The following GAS7 variants were observed in gnomAD, a reference collection of about 807,000 sequenced individuals.
The protein encoded by GAS7 is growth arrest specific 7.
GAS7 carries 28 observed loss-of-function variants against 71.1 expected under a neutral mutation model. The ratio of observed to expected loss-of-function variants is 0.39; its 90% confidence interval spans 0.29 to 0.54. The LOEUF is 0.54. GAS7 is among the 20% of genes least tolerant of loss of function. The pLI is 0.62. For missense variants in GAS7, 436 were observed against 627.8 expected (o/e 0.69, Z 3.27); for synonymous variants, 258 against 245.8 (o/e 1.05, Z -0.46).
chr17:9,970,455 C>T (rs1048122961), intron 3 of GAS7, among the ~76,000 whole-genome samples: 1 of 152,102 alleles, frequency 6.6e-6, no homozygotes, highest in Middle Eastern at 3.4e-3. Context: ...CATGGTGAAA[C>T]CCTGTCTCTA....
intron 1 of GAS7, among the ~76,000 whole-genome samples, chr17:10,146,424 G>C (rs537094856): frequency 6.6e-6 from 1 of 152,172 alleles, no homozygotes; most frequent in Admixed American, 6.5e-5. Flanking sequence ...CAAAGTCCCC[G>C]CAAGAGTCAG....
intron 1 of GAS7, among the ~76,000 whole-genome samples, chr17:10,153,210 A>AAAAAAAAAACAAAGCAAAAC (rs59882450): frequency 0.72 from 104,123 of 144,998 alleles, 37,950 homozygotes; most frequent in African/African-American, 0.86. Context: ...CCTCCGTCTC[A>AAAAAAAAAACAAAGCAAAAC]AAAAAAAAAC....
chr17:10,014,675 G>A (rs554990287), intron 2 of GAS7, among the ~76,000 whole-genome samples: 40 of 151,780 alleles, frequency 2.6e-4, no homozygotes, highest in Non-Finnish European at 5.7e-4. Context: ...TCCCTTCCTC[G>A]AGCCCCCAGA....
intron 1 of GAS7, among the ~76,000 whole-genome samples, chr17:10,116,756 T>G (rs963997001): frequency 7.9e-5 from 12 of 152,122 alleles, no homozygotes; most frequent in Non-Finnish European, 1.3e-4. Flanking sequence ...GTTTCGACAC[T>G]GGGATACATC....
intron 2 of GAS7, among the ~76,000 whole-genome samples, chr17:10,017,177 T>TAAATAAAG (rs1435235279): frequency 6.7e-6 from 1 of 148,296 alleles, no homozygotes; most frequent in Non-Finnish European, 1.5e-5. Flanking sequence ...AATAAATAAA[T>TAAATAAAG]AAAGAGAGGA....
intron 2 of GAS7, 122 bp from the exon 3 acceptor site, chr17:9,982,006 C>A: frequency 3.0e-6 from 2 of 657,196 alleles, no homozygotes; most frequent in East Asian, 5.4e-5. Context: ...CGCCCTCCTC[C>A]CCAACCCTGG....
intron 1 of GAS7, among the ~76,000 whole-genome samples, chr17:10,168,239 A>G (rs894597413): frequency 2.0e-5 from 3 of 152,208 alleles, no homozygotes; most frequent in African/African-American, 7.2e-5. Flanking sequence ...ACTGATGTAT[A>G]TGTGCTAACA....
At chr17:9,982,824 G>GGAAA (rs56351503) in intron 2 of GAS7, among the ~76,000 whole-genome samples, 8,078 of 116,034 alleles carry the variant, frequency 0.07, 300 homozygotes, top group Middle Eastern at 0.11. Flanking sequence ...AGGAAAGAAA[G>GGAAA]GAAAGAAAGA....
At position 9,912,993 on chromosome 17, in the gene GAS7, T is replaced by C. The variant is rs1281928057; in HGVS notation, c.*4235A>G. 4.3e-6 allele frequency: 1 copy of C among 232,702 alleles called. No homozygotes were observed. The allele number at this position is 232,702 out of a possible 1,614,324, so 14.4% of individuals were successfully genotyped here. A position where few individuals can be genotyped will look rare whatever the true frequency, so the allele number is the denominator to read the frequency against. On this transcript the variant is annotated 3_prime_UTR_variant, in exon 14 of 14. Coordinates refer to ENST00000432992, the MANE Select transcript of GAS7 (RefSeq NM_201433.2). ...GTGTGACTCCATTTATATGACATTC[T>C]AGAAAAGGCAAAATTATAGGATCAG... is the stretch of plus-strand genomic sequence containing the variant.
At chr17:10,124,230 A>T (rs1301072483) in intron 1 of GAS7, among the ~76,000 whole-genome samples, 1 of 152,192 alleles carries the variant, frequency 6.6e-6, no homozygotes, top group South Asian at 2.1e-4. Context: ...GCCAAGCTGA[A>T]GGTGGACATG....
chr17:10,110,628 C>T lies in GAS7; in HGVS notation c.183+87580G>A, dbSNP rs148103336. On this transcript the variant is annotated intron_variant, in intron 1 of 13. Transcript: ENST00000432992. ...TTGGGACTACAGGTGCATGTCACCACGTCTGGCTGATTTTTGTATTTTTAG... is the reference window on the plus strand; with the variant it reads ...TTGGGACTACAGGTGCATGTCACCATGTCTGGCTGATTTTTGTATTTTTAG... 2.0e-4 allele frequency among the ~76,000 whole-genome samples: 30 copies of T among 152,210 alleles called. No individual in the cohort carries two copies. The East Asian group carries it at 5.0e-3, about 26-fold the overall frequency.
chr17:9,985,628 C>T (rs2070616931), intron 2 of GAS7, among the ~76,000 whole-genome samples: 1 of 152,240 alleles, frequency 6.6e-6, no homozygotes, highest in South Asian at 2.1e-4. Flanking sequence ...CCAAATCTCT[C>T]TAGCTGCAGA....
intron 1 of GAS7, among the ~76,000 whole-genome samples, chr17:10,126,588 TCACA>T (rs901906949): frequency 1.4e-5 from 2 of 142,136 alleles, no homozygotes; most frequent in South Asian, 2.3e-4. Flanking sequence ...ACACACACAT[TCACA>T]CACACACGCT....
At chr17:10,019,989 A>G in intron 1 of GAS7, 92 bp from the exon 2 acceptor site, 1 of 1,237,712 alleles carries the variant, frequency 8.1e-7, no homozygotes, top group Non-Finnish European at 1.2e-6. Flanking sequence ...TTCACCCTAC[A>G]GTAGCGTGAC....
chr17:9,967,821 A>G (rs2069783725), intron 4 of GAS7, among the ~76,000 whole-genome samples: 1 of 152,178 alleles, frequency 6.6e-6, no homozygotes, highest in Non-Finnish European at 1.5e-5. Context: ...TTGCACATAA[A>G]TCAGAACCCC....
intron 4 of GAS7, among the ~76,000 whole-genome samples, chr17:9,961,251 C>A (rs1308889282): frequency 1.3e-5 from 2 of 152,210 alleles, no homozygotes; most frequent in Non-Finnish European, 2.9e-5. Context: ...TCTCATCCAG[C>A]TGGCCCACCC....
intron 1 of GAS7, among the ~76,000 whole-genome samples, chr17:10,138,216 C>T (rs1002083744): frequency 6.7e-6 from 1 of 148,288 alleles, no homozygotes; most frequent in Non-Finnish European, 1.5e-5. Flanking sequence ...CCGCCCGCCT[C>T]GGCCTCCCAA....
chr17:9,978,310 T>C (rs905412230), intron 3 of GAS7, among the ~76,000 whole-genome samples: 5 of 150,150 alleles, frequency 3.3e-5, no homozygotes, highest in Non-Finnish European at 5.9e-5. Flanking sequence ...AAATGAGGCC[T>C]GGCAAGGAGA....
intron 2 of GAS7, among the ~76,000 whole-genome samples, chr17:9,999,245 C>T (rs997119205): frequency 2.0e-5 from 3 of 152,266 alleles, no homozygotes; most frequent in Middle Eastern, 3.4e-3. Flanking sequence ...AGGCCAGGTA[C>T]GGTGGCTCAT....
Sources: gnomAD v4.1 joint callset for allele counts (sites outside exome capture counted in the v4.1 genomes callset) on GRCh38, gnomAD v4.1.1 for gene constraint, MANE v1.5 for transcripts, NCBI Gene and HGNC (gene_info 2026-07-23, HGNC 2026-07-21) for gene names.